Variants in MGMT observed in about 807,000 individuals in gnomAD.
The protein encoded by MGMT is methylated-DNA--protein-cysteine methyltransferase.
MGMT carries 14 observed loss-of-function variants against 15.9 expected under a neutral mutation model. That is an observed-to-expected ratio of 0.88 (90% CI 0.58 to 1.37). MGMT has a LOEUF of 1.37. Among genes scored for constraint, MGMT ranks in the 40% most tolerant of loss-of-function variants. MGMT has a pLI of 0.00. For synonymous variants in MGMT, 130 were observed against 118.2 expected, an observed-to-expected ratio of 1.10 and a Z score of -0.65; for missense variants, 282 against 268.1, an observed-to-expected ratio of 1.05 and a Z score of -0.36.
intron 2 of MGMT, among the ~76,000 whole-genome samples, chr10:129,646,754 A>ATATATATT: frequency 1.2e-4 from 10 of 86,674 alleles, no homozygotes; most frequent in African/African-American, 3.5e-4. Flanking sequence ...ATATATATAT[A>ATATATATT]TTTTCAGGGA....
intron 2 of MGMT, among the ~76,000 whole-genome samples, chr10:129,680,082 G>A (rs1210361123): frequency 6.6e-6 from 1 of 152,214 alleles, no homozygotes; most frequent in African/African-American, 2.4e-5. Flanking sequence ...AACGAGCCCA[G>A]CAGTCGCAGA....
At chr10:129,716,497 A>G (rs1848299612) in intron 3 of MGMT, among the ~76,000 whole-genome samples, 1 of 152,206 alleles carries the variant, frequency 6.6e-6, no homozygotes, top group African/African-American at 2.4e-5. Context: ...CTGCCAAGCA[A>G]CCTGATTTTC....
intron 3 of MGMT, among the ~76,000 whole-genome samples, chr10:129,736,647 T>C (rs1477454556): frequency 2.6e-5 from 4 of 152,212 alleles, no homozygotes; most frequent in Non-Finnish European, 4.4e-5. Flanking sequence ...ATGCAGTTTT[T>C]TCCTAGTCTT....
chr10:129,596,082 T>TTCCCCCTGCCC (rs1554916308), intron 2 of MGMT, among the ~76,000 whole-genome samples: 35 of 151,800 alleles, frequency 2.3e-4, no homozygotes, highest in South Asian at 2.3e-3. Flanking sequence ...CATTGCTTAC[T>TTCCCCCTGCCC]TCCCCCTGCC....
chr10:129,690,379 A>C (rs764643810), intron 2 of MGMT, among the ~76,000 whole-genome samples: 4 of 152,134 alleles, frequency 2.6e-5, no homozygotes, highest in Non-Finnish European at 5.9e-5. Context: ...TGAGGTTTTC[A>C]CTTATTCACT....
At chr10:129,749,844 T>C (rs1848733842) in intron 3 of MGMT, among the ~76,000 whole-genome samples, 1 of 152,174 alleles carries the variant, frequency 6.6e-6, no homozygotes, top group South Asian at 2.1e-4. Context: ...TATTCATTAT[T>C]TTAGTGTGCA....
chr10:129,566,416 C>T lies in MGMT; in HGVS notation c.125+30039C>T, dbSNP rs954385213. On this transcript the variant is annotated intron_variant, in intron 2 of 4. Transcript: ENST00000651593. This position sits in a 1 kb window ranked among gnomAD's most constrained non-coding sequence, Gnocchi z 4.1. ...TCTGATGTGGCCTTAGTGCTCTGGG[C>T]GGATGTACCTTGGCTCTGCCTGGAC... Among the ~76,000 whole-genome samples, 21 of 152,150 alleles carry T rather than the reference C, an allele frequency of 1.4e-4. No homozygotes were observed. Among genetic ancestry groups the T allele is most frequent in the Admixed American group, 6.5e-5 (1 of 15,286 alleles).
chr10:129,766,101 T>C (rs1041782592), intron 4 of MGMT, among the ~76,000 whole-genome samples: 1 of 152,158 alleles, frequency 6.6e-6, no homozygotes, highest in Non-Finnish European at 1.5e-5. Context: ...GGCCTGTGTA[T>C]GGCTGCGTGG....
intron 2 of MGMT, among the ~76,000 whole-genome samples, chr10:129,647,963 T>G (rs1255438777): frequency 6.6e-6 from 1 of 152,224 alleles, no homozygotes; most frequent in African/African-American, 2.4e-5. Context: ...TAAATGCCCT[T>G]TTCATTCCAT....
rs111732572 is a variant in MGMT at position 129,617,694 on chromosome 10, T to G, written c.125+81317T>G. ...TCTAATGATTAGTGATGTTGAGCATTTTTTTCATATGCTTGTTGGCCATAT... is the reference window on the plus strand; with the variant it reads ...TCTAATGATTAGTGATGTTGAGCATGTTTTTCATATGCTTGTTGGCCATAT... On this transcript the variant is annotated intron_variant, in intron 2 of 4. Coordinates refer to ENST00000651593, the MANE Select transcript of MGMT (RefSeq NM_002412.5). Among the ~76,000 whole-genome samples, 748 of 152,366 alleles carry G rather than the reference T, an allele frequency of 4.9e-3. 5 individuals are homozygous for G. Among genetic ancestry groups the G allele is most frequent in the African/African-American group, 0.017 (710 of 41,588 alleles).
At chr10:129,681,369 T>G (rs1847850663) in intron 2 of MGMT, among the ~76,000 whole-genome samples, 1 of 152,350 alleles carries the variant, frequency 6.6e-6, no homozygotes, top group South Asian at 2.1e-4. Flanking sequence ...ATAGAGACCA[T>G]GCTTCCTGTG....
intron 2 of MGMT, among the ~76,000 whole-genome samples, chr10:129,706,408 T>C (rs533722755): frequency 6.6e-6 from 1 of 152,290 alleles, no homozygotes; most frequent in South Asian, 2.1e-4. Flanking sequence ...AGAAACATTC[T>C]GTAGATCTCA....
At chr10:129,644,001 C>T (rs978898766) in intron 2 of MGMT, among the ~76,000 whole-genome samples, 19 of 152,134 alleles carry the variant, frequency 1.2e-4, no homozygotes, top group African/African-American at 3.6e-4. Flanking sequence ...TTTGATGATG[C>T]GAATATCTGC....
chr10:129,657,862 C>G (rs1847550431), intron 2 of MGMT, among the ~76,000 whole-genome samples: 1 of 152,086 alleles, frequency 6.6e-6, no homozygotes. Flanking sequence ...GGAGGATTTG[C>G]CACCCTCCAG....
chr10:129,467,882 A>C (rs1435669723), intron 1 of MGMT, among the ~76,000 whole-genome samples: 1 of 152,224 alleles, frequency 6.6e-6, no homozygotes, highest in African/African-American at 2.4e-5. Flanking sequence ...AACACCGCAG[A>C]GGAGTTCTGA....
chr10:129,625,233 CAA>C (rs1282400685), intron 2 of MGMT, among the ~76,000 whole-genome samples: 1 of 152,184 alleles, frequency 6.6e-6, no homozygotes, highest in African/African-American at 2.4e-5. Flanking sequence ...AATCTTCCCT[CAA>C]AGAAAAATCT....
chr10:129,755,630 C>T (rs376359661), intron 3 of MGMT, among the ~76,000 whole-genome samples: 1 of 152,224 alleles, frequency 6.6e-6, no homozygotes, highest in African/African-American at 2.4e-5. Context: ...GGAGACTCCT[C>T]CTCAAGAACT....
At chr10:129,651,584 C>T (rs746836805) in intron 2 of MGMT, among the ~76,000 whole-genome samples, 10 of 152,062 alleles carry the variant, frequency 6.6e-5, no homozygotes, top group Admixed American at 2.0e-4. Context: ...AAGACATAAT[C>T]CCCCAATGTG....
At chr10:129,584,880 C>T (rs561137488) in intron 2 of MGMT, among the ~76,000 whole-genome samples, 1 of 152,302 alleles carries the variant, frequency 6.6e-6, no homozygotes, top group Admixed American at 6.5e-5. Flanking sequence ...TTGATCTATA[C>T]ATCAGTTAAG....
Sources: gnomAD v4.1 joint callset for allele counts (sites outside exome capture counted in the v4.1 genomes callset) on GRCh38, gnomAD v4.1.1 for gene constraint, Gnocchi (gnomAD v3.1) non-coding constraint, MANE v1.5 for transcripts, NCBI Gene and HGNC (gene_info 2026-07-23, HGNC 2026-07-21) for gene names.